EGFLAM: variants seen among roughly 807,000 people sequenced by gnomAD.
The protein encoded by EGFLAM is pikachurin.
Under a neutral mutation model 113.1 loss-of-function variants are expected in EGFLAM, and 79 were observed. The ratio of observed to expected loss-of-function variants is 0.70; its 90% CI spans 0.58 to 0.84. The LOEUF is 0.84. EGFLAM is among the 40% of genes least tolerant of loss of function. The pLI is 0.00. For missense variants in EGFLAM, 1,265 were observed against 1,291.6 expected (o/e 0.98, Z 0.32); for synonymous variants, 504 against 487.6 (o/e 1.03, Z -0.44).
intron 1 of EGFLAM, among the ~76,000 whole-genome samples, chr5:38,287,621 C>G (rs1352014031): frequency 6.6e-6 from 1 of 152,206 alleles, no homozygotes; most frequent in Non-Finnish European, 1.5e-5. Flanking sequence ...ATCTGCCCAC[C>G]TCGGCCTCCC....
At position 38,406,835 on chromosome 5, in the gene EGFLAM, C is replaced by T. The variant is rs750319907; in HGVS notation, c.836C>T (p.Pro279Leu). Residue 279 changes from proline (P) to leucine (L), a missense_variant, in exon 8 of 22, where the codon CCA becomes CTA. Transcript: ENST00000322350. The part of the protein sequence containing the change: ...DLDISFEEVK[P>L]LPATKGGNKK... ...TTCCTTCTCTGGCTTTAGGTTAAAC[C>T]ACTTCCTGCTACCAAAGGAGGGAAT... The T allele has an allele frequency of 3.7e-6, 6 of 1,613,332 alleles. No individual in the cohort carries two copies. In the South Asian group the frequency reaches 5.5e-5, roughly 15 times the overall value.
chr5:38,388,067 G>GT (rs1365118896), intron 6 of EGFLAM, among the ~76,000 whole-genome samples: 1 of 152,184 alleles, frequency 6.6e-6, no homozygotes, highest in Non-Finnish European at 1.5e-5. Flanking sequence ...TGGAATGTGA[G>GT]TTTACTCAAG....
At chr5:38,293,447 T>G (rs545053606) in intron 1 of EGFLAM, among the ~76,000 whole-genome samples, 1 of 152,352 alleles carries the variant, frequency 6.6e-6, no homozygotes, top group South Asian at 2.1e-4. Context: ...TCAATGCTAT[T>G]ATTGTACTGG....
chr5:38,349,783 A>G (rs201099269), intron 3 of EGFLAM, among the ~76,000 whole-genome samples: 54 of 150,170 alleles, frequency 3.6e-4, no homozygotes, highest in African/African-American at 6.6e-4. Flanking sequence ...GCACACACAC[A>G]CACACACACA....
At chr5:38,372,616 T>C (rs540247438) in intron 6 of EGFLAM, among the ~76,000 whole-genome samples, 2 of 152,356 alleles carry the variant, frequency 1.3e-5, no homozygotes, top group African/African-American at 4.8e-5. Context: ...GCCTGTTATG[T>C]GAAGTAAAAT....
At chr5:38,303,837 T>G (rs1430256910) in intron 1 of EGFLAM, among the ~76,000 whole-genome samples, 1 of 151,856 alleles carries the variant, frequency 6.6e-6, no homozygotes, top group African/African-American at 2.4e-5. Flanking sequence ...TTAACAGACA[T>G]AAGAAAACAG....
chr5:38,286,411 A>T (rs902143870), intron 1 of EGFLAM: 1 of 152,256 alleles, frequency 6.6e-6, no homozygotes, highest in African/African-American at 2.4e-5. Context: ...TCTGACACAC[A>T]AATCTTTTAC....
At chr5:38,283,899 C>T (rs997360365) in intron 1 of EGFLAM, 1 of 152,284 alleles carries the variant, frequency 6.6e-6, no homozygotes, top group Non-Finnish European at 1.5e-5. Flanking sequence ...GTTGTTCCTG[C>T]TCTCTAGTCA....
In EGFLAM at chr5:38,291,546, C is replaced by G. The variant is rs371277093; in HGVS notation, c.97+32695C>G. ...TTGCAGCAGGTTCCTCTCCACGTGTCTCCACGTGTCTTATCTGGAAATGTG... is the reference window on the plus strand; with the variant it reads ...TTGCAGCAGGTTCCTCTCCACGTGTGTCCACGTGTCTTATCTGGAAATGTG... On this transcript the variant is annotated intron_variant, in intron 1 of 21. Coordinates refer to ENST00000322350, the MANE Select transcript of EGFLAM (RefSeq NM_152403.4). 2.8e-4 allele frequency among the ~76,000 whole-genome samples: 43 copies of G among 152,332 alleles called. No individual in the cohort carries two copies. The South Asian group carries it at 8.9e-3, about 32-fold the overall frequency.
At chr5:38,451,237 C>A (rs2112264776) in intron 18 of EGFLAM, 78 bp from the exon 19 acceptor site, 2 of 1,566,256 alleles carry the variant, frequency 1.3e-6, no homozygotes, top group East Asian at 4.5e-5. Flanking sequence ...TTCCTCAGGG[C>A]TGGCAGACAA....
chr5:38,446,510 C>T (rs182323879), intron 17 of EGFLAM, among the ~76,000 whole-genome samples: 123 of 152,210 alleles, frequency 8.1e-4, no homozygotes, highest in African/African-American at 2.8e-3. Flanking sequence ...TCCCTGTTTC[C>T]CTTCCTCGTC....
At chr5:38,293,490 T>A (rs1338465876) in intron 1 of EGFLAM, among the ~76,000 whole-genome samples, 4 of 152,220 alleles carry the variant, frequency 2.6e-5, no homozygotes, top group Non-Finnish European at 5.9e-5. Flanking sequence ...CAAGAATTCC[T>A]CCTTTAAGGA....
At chr5:38,377,333 G>C (rs968574234) in intron 6 of EGFLAM, among the ~76,000 whole-genome samples, 1 of 151,820 alleles carries the variant, frequency 6.6e-6, no homozygotes, top group African/African-American at 2.4e-5. Flanking sequence ...TAGTAGAGAT[G>C]AGGTTTCACC....
chr5:38,385,579 T>C (rs543717356), intron 6 of EGFLAM, among the ~76,000 whole-genome samples: 4 of 152,318 alleles, frequency 2.6e-5, no homozygotes, highest in African/African-American at 9.6e-5. Flanking sequence ...AATCTGCAGC[T>C]GCAGAACCCA....
At chr5:38,299,451 C>G (rs1399784694) in intron 1 of EGFLAM, among the ~76,000 whole-genome samples, 1 of 152,260 alleles carries the variant, frequency 6.6e-6, no homozygotes, top group South Asian at 2.1e-4. Context: ...CCCTGCAAAT[C>G]TCATGTTGAA....
intron 3 of EGFLAM, among the ~76,000 whole-genome samples, chr5:38,348,783 A>T (rs1739540905): frequency 6.6e-6 from 1 of 152,030 alleles, no homozygotes; most frequent in Admixed American, 6.6e-5. Context: ...GATCTGGTAG[A>T]TACTGGATCT....
chr5:38,453,689 G>A (rs78410713), intron 19 of EGFLAM, among the ~76,000 whole-genome samples: 25 of 152,196 alleles, frequency 1.6e-4, no homozygotes, highest in Admixed American at 1.3e-4. Flanking sequence ...CTGCCTTGAA[G>A]CCATTTTCTT....
chr5:38,454,654 T>C (rs1380648512), intron 19 of EGFLAM, among the ~76,000 whole-genome samples: 1 of 152,196 alleles, frequency 6.6e-6, no homozygotes, highest in Non-Finnish European at 1.5e-5. Context: ...GGGGCACAGA[T>C]CTGTGCAGTC....
In EGFLAM at chr5:38,403,769, G is replaced by A. The variant is rs974690605; in HGVS notation, c.713-2357G>A. 13 of 1,593,742 alleles carry A rather than the reference G, an allele frequency of 8.2e-6. No individual in the cohort carries two copies. The African/African-American group carries it at 1.7e-4, about 21-fold the overall frequency. Reference sequence around the variant, plus strand: ...GCAGAAAGCAAAAATACAGATAAGGGGGACTGCTTGCTGTACAAAGATAGA... The same window carrying A: ...GCAGAAAGCAAAAATACAGATAAGGAGGACTGCTTGCTGTACAAAGATAGA... On this transcript the variant is annotated intron_variant, in intron 6 of 21. Coordinates refer to ENST00000322350, the MANE Select transcript of EGFLAM (RefSeq NM_152403.4).
Sources: gnomAD v4.1 joint callset for allele counts (sites outside exome capture counted in the v4.1 genomes callset) on GRCh38, gnomAD v4.1.1 for gene constraint, MANE v1.5 for transcripts, NCBI Gene and HGNC (gene_info 2026-07-23, HGNC 2026-07-21) for gene names.